Variants in LRRFIP1 observed in about 807,000 individuals in gnomAD.
LRRFIP1 encodes the protein LRR binding FLII interacting protein 1.
LRRFIP1 carries 62 observed loss-of-function variants against 104.4 expected under a neutral mutation model. That is an observed-to-expected ratio of 0.59 (90% confidence interval 0.48 to 0.73). LRRFIP1 has a LOEUF of 0.73. Ranked by LOEUF, LRRFIP1 falls within the 30% of genes least tolerant of loss-of-function variation. The pLI, the probability that LRRFIP1 is intolerant of heterozygous loss-of-function variation, is 0.00. For missense variants in LRRFIP1, 796 were observed against 824.5 expected (o/e 0.97, Z 0.42); for synonymous variants, 300 against 299.0 (o/e 1.00, Z -0.03).
chr2:237,692,458 G>A (rs1160114409), intron 1 of LRRFIP1: 1 of 1,527,972 alleles, frequency 6.5e-7, no homozygotes, highest in South Asian at 1.2e-5. Flanking sequence ...CCGGCAGGAT[G>A]ACCAGCCCCG....
rs542477673 is a variant in LRRFIP1, at chr2:237,663,895, G to C, written c.96+36155G>C. Among the ~76,000 whole-genome samples the C allele has an allele frequency of 2.6e-5, 4 of 152,328 alleles. No homozygotes were observed. In the East Asian group the frequency reaches 5.8e-4, roughly 22 times the overall value. On this transcript the variant is annotated intron_variant, in intron 1 of 23. Coordinates refer to ENST00000308482, the MANE Select transcript of LRRFIP1 (RefSeq NM_001137550.2). ...GAGGGGAGCCGTCAGCGGTCAGGGTGGTCAAAGCCACATAGTTGCATGAGG... is the reference window on the plus strand; with the variant it reads ...GAGGGGAGCCGTCAGCGGTCAGGGTCGTCAAAGCCACATAGTTGCATGAGG...
At chr2:237,628,847 G>T (rs2081961285) in intron 1 of LRRFIP1, among the ~76,000 whole-genome samples, 1 of 152,254 alleles carries the variant, frequency 6.6e-6, no homozygotes, top group African/African-American at 2.4e-5. Flanking sequence ...CGGACATGTG[G>T]CAGTCACTCA....
chr2:237,733,247 G>C (rs2095092005), intron 8 of LRRFIP1, among the ~76,000 whole-genome samples: 1 of 152,214 alleles, frequency 6.6e-6, no homozygotes, highest in Non-Finnish European at 1.5e-5. Context: ...CTAGACCGCG[G>C]CTCCTCTGGG....
At chr2:237,640,649 A>T (rs2083806659) in intron 1 of LRRFIP1, among the ~76,000 whole-genome samples, 1 of 152,128 alleles carries the variant, frequency 6.6e-6, no homozygotes, top group Non-Finnish European at 1.5e-5. Flanking sequence ...TCTCCCGTAA[A>T]AGCACATTGC....
intron 14 of LRRFIP1, among the ~76,000 whole-genome samples, chr2:237,752,697 G>T (rs757907014): frequency 3.3e-5 from 5 of 152,224 alleles, no homozygotes; most frequent in Non-Finnish European, 7.3e-5. Context: ...TATTTTACAG[G>T]CCTCTTTCTC....
intron 1 of LRRFIP1, among the ~76,000 whole-genome samples, chr2:237,648,774 G>T (rs2149375099): frequency 6.6e-6 from 1 of 151,146 alleles, no homozygotes; most frequent in Non-Finnish European, 1.5e-5. Flanking sequence ...TGACTGTGTG[G>T]CAAGGATCCC....
chr2:237,776,665 T>C (rs62196066), intron 23 of LRRFIP1, among the ~76,000 whole-genome samples: 6,799 of 152,302 alleles, frequency 0.045, 177 homozygotes, highest in Middle Eastern at 0.13. Context: ...AGTGACCCTT[T>C]TGGTCCCTGC....
chr2:237,692,664 C>A (rs899917708), intron 1 of LRRFIP1: 1 of 1,162,060 alleles, frequency 8.6e-7, no homozygotes, highest in Non-Finnish European at 1.1e-6. Flanking sequence ...GCGGTGGGAG[C>A]GGGCGCAGTG....
intron 1 of LRRFIP1, among the ~76,000 whole-genome samples, chr2:237,690,428 C>T (rs2092681187): frequency 6.6e-6 from 1 of 152,132 alleles, no homozygotes; most frequent in Admixed American, 6.5e-5. Flanking sequence ...CAAATAATTG[C>T]ACTTTAAACA....
intron 8 of LRRFIP1, among the ~76,000 whole-genome samples, chr2:237,729,197 G>T (rs2094897753): frequency 6.6e-6 from 1 of 152,188 alleles, no homozygotes; most frequent in Non-Finnish European, 1.5e-5. Context: ...AAAATGCTGG[G>T]ATTACAGGCA....
chr2:237,772,744 G>T (rs79895014), intron 21 of LRRFIP1, 122 bp from the exon 22 acceptor site: 8 of 693,904 alleles, frequency 1.2e-5, no homozygotes, highest in African/African-American at 1.1e-4. Flanking sequence ...TGTGGAGGCA[G>T]GGCCAGAACT....
At chr2:237,627,867 G>A in intron 1 of LRRFIP1, 127 bp downstream of exon 1, 1 of 585,796 alleles carries the variant, frequency 1.7e-6, no homozygotes, top group Non-Finnish European at 2.4e-6. Context: ...GCTCCAGGCG[G>A]GTGGGCCGGG....
chr2:237,777,949 T>A (rs1293059821), intron 23 of LRRFIP1, among the ~76,000 whole-genome samples: 6 of 152,184 alleles, frequency 3.9e-5, no homozygotes, highest in East Asian at 3.8e-4. Flanking sequence ...CCATTTTTTT[T>A]AAAAAGTGTC....
In LRRFIP1 at chr2:237,632,034, G is replaced by T. The variant is rs188521939; in HGVS notation, c.96+4294G>T. Among the ~76,000 whole-genome samples, 37 of 152,342 alleles carry T rather than the reference G, an allele frequency of 2.4e-4. No individual in the cohort carries two copies. In the East Asian group the frequency reaches 6.8e-3, roughly 28 times the overall value. On this transcript the variant is annotated intron_variant, in intron 1 of 23. Transcript: ENST00000308482. ...TGCTTCACCGGCCCCAAGTTGACTC[G>T]TGGGCCTGCGGGTGCTGTTGGTTCA...
chr2:237,769,526 TG>T (rs1454970452), intron 19 of LRRFIP1: 1 of 191,348 alleles, frequency 5.2e-6, no homozygotes, highest in Non-Finnish European at 1.1e-5. Context: ...TAAATACATC[TG>T]GGATGTAAAC....
intron 5 of LRRFIP1, among the ~76,000 whole-genome samples, chr2:237,720,334 G>C (rs924438463): frequency 6.6e-6 from 1 of 151,932 alleles, no homozygotes; most frequent in Non-Finnish European, 1.5e-5. Flanking sequence ...TGCAATGTCT[G>C]CCTCGTGGGT....
intron 7 of LRRFIP1, among the ~76,000 whole-genome samples, chr2:237,727,596 G>T (rs143933332): frequency 6.6e-6 from 1 of 152,176 alleles, no homozygotes; most frequent in Non-Finnish European, 1.5e-5. Context: ...GTTCCACCCC[G>T]TGGAGGGACT....
Position 237,649,178 on chromosome 2 carries a change from G to T in LRRFIP1, c.96+21438G>T, listed in dbSNP as rs1157139509. 6.6e-6 allele frequency among the ~76,000 whole-genome samples: 1 copy of T among 151,888 alleles called. No individual in the cohort carries two copies. The highest frequency in any genetic ancestry group is 1.5e-5 in the Non-Finnish European group (1 of 67,916). ...GAGCCCCGTTCTCTGTGACCTGGCT[G>T]GGTCAAAGCCTGGCCCCAGAACAGC... On this transcript the variant is annotated intron_variant, in intron 1 of 23. Transcript: ENST00000308482. This position sits in a 1 kb window ranked among gnomAD's most constrained non-coding sequence, Gnocchi z 4.1.
chr2:237,692,233 C>CG (rs1401423490), intron 1 of LRRFIP1: 2 of 1,110,520 alleles, frequency 1.8e-6, no homozygotes, highest in Non-Finnish European at 2.2e-6. Flanking sequence ...CGACTCAGCC[C>CG]GCGGCCACCT....
Sources: gnomAD v4.1 joint callset for allele counts (sites outside exome capture counted in the v4.1 genomes callset) on GRCh38, gnomAD v4.1.1 for gene constraint, Gnocchi (gnomAD v3.1) non-coding constraint, MANE v1.5 for transcripts, NCBI Gene and HGNC (gene_info 2026-07-23, HGNC 2026-07-21) for gene names.